ECI2: variants seen among roughly 807,000 people sequenced by gnomAD.
ECI2 encodes enoyl-CoA delta isomerase 2.
ECI2 carries 27 observed loss-of-function variants against 38.4 expected under a neutral mutation model. The ratio of observed to expected loss-of-function variants is 0.70; its 90% CI spans 0.52 to 0.97. ECI2 has a LOEUF of 0.97. Ranked by LOEUF, ECI2 falls within the 50% of genes least tolerant of loss-of-function variation. The pLI is 0.00. For synonymous variants in ECI2, 168 were observed against 172.0 expected (o/e 0.98, Z 0.18); for missense variants, 470 against 474.4 (o/e 0.99, Z 0.09).
chr6:4,133,336 C>T (rs978682238), intron 2 of ECI2, among the ~76,000 whole-genome samples: 8 of 151,960 alleles, frequency 5.3e-5, no homozygotes, highest in African/African-American at 1.7e-4. Flanking sequence ...CTCTTTTACT[C>T]GTGTGACACT....
chr6:4,121,917 A>T, intron 7 of ECI2: 1 of 1,261,102 alleles, frequency 7.9e-7, no homozygotes, highest in Non-Finnish European at 1.1e-6. Context: ...AGTTTCTGTT[A>T]ATGTCATGTA....
In ECI2 at chr6:4,133,791, T is replaced by C. The variant is rs1000227320; in HGVS notation, c.51-80A>G. ...CTGATTTCTAATTGTTCCCAGCCTA[T>C]ACATAACAAAATGCCATGTTTGTCT... On this transcript the variant is annotated intron_variant, in intron 1 of 9. Coordinates refer to ENST00000380118, the MANE Select transcript of ECI2 (RefSeq NM_206836.3). The C allele has an allele frequency of 1.5e-5, 22 of 1,455,810 alleles. No homozygotes were observed. The Admixed American group carries it at 5.1e-4, about 34-fold the overall frequency. The allele number at this position is 1,455,810 out of a possible 1,614,324, so 90.2% of individuals were successfully genotyped here.
In ECI2 at chr6:4,130,434, C is replaced by T. The variant is rs548867219; in HGVS notation, c.439G>A (p.Glu147Lys). 4.4e-5 allele frequency: 71 copies of T among 1,614,200 alleles called. No homozygotes were observed. Among genetic ancestry groups the T allele is most frequent in the South Asian group, 4.0e-4 (36 of 91,084 alleles). ...TGFETLVVTSEDGITKIMFNR... is the reference protein window; with the variant it reads ...TGFETLVVTSKDGITKIMFNR... ...AACATGATCTTTGTGATGCCATCTT[C>T]GGAGGTCACCACCAGAGTTTCAAAC... Residue 147 changes from glutamate (E) to lysine (K), a missense_variant, in exon 4 of 10, where the codon GAA (glutamate) becomes AAA (lysine). Physicochemically the swap from Glu to Lys is moderately conservative, Grantham distance 56 (BLOSUM62 1). Coordinates refer to ENST00000380118, the MANE Select transcript of ECI2 (RefSeq NM_206836.3).
intron 4 of ECI2, among the ~76,000 whole-genome samples, chr6:4,129,477 A>G (rs957934040): frequency 1.3e-5 from 2 of 152,094 alleles, no homozygotes; most frequent in African/African-American, 4.8e-5. Flanking sequence ...GTTACTTCTT[A>G]ATCTAATTAT....
chr6:4,124,447 A>C (rs1197584534), intron 7 of ECI2, among the ~76,000 whole-genome samples: 1 of 152,228 alleles, frequency 6.6e-6, no homozygotes, highest in African/African-American at 2.4e-5. Flanking sequence ...AATCATCAGC[A>C]CAGTTTACCA....
In ECI2 at chr6:4,126,197, G is replaced by A; in HGVS notation, c.612C>T (p.Asn204=). ...DYYSSGNDLT[N]FTDIPPGGVE... ...CTCCACCAGGGGGAATATCAGTGAA[G>A]TTAGTCAGATCATTCCCACTACTGT... The change falls in exon 6 of 10, where the codon AAC becomes AAT. Residue 204 remains asparagine, a synonymous_variant. Coordinates refer to ENST00000380118, the MANE Select transcript of ECI2 (RefSeq NM_206836.3). 1 of 1,613,800 alleles carries A rather than the reference G, an allele frequency of 6.2e-7. No homozygotes were observed. The highest frequency in any genetic ancestry group is 1.1e-5 in the South Asian group (1 of 91,046).
Position 4,130,882 on chromosome 6 carries a change from G to A in ECI2, c.214-17C>T. 2 of 1,611,178 alleles carry A rather than the reference G, an allele frequency of 1.2e-6. No individual in the cohort carries two copies. Among genetic ancestry groups the A allele is most frequent in the South Asian group, 1.1e-5 (1 of 90,600 alleles). On this transcript the variant is annotated splice_polypyrimidine_tract_variant and intron_variant, in intron 2 of 9. Transcript: ENST00000380118. ...TTCAGTGGCCTGTGAAAAGGAGAGG[G>A]GCAATATGTTCAAATGTCCATGTAA...
At chr6:4,121,546 C>T (rs17137675) in intron 7 of ECI2, among the ~76,000 whole-genome samples, 1 of 152,056 alleles carries the variant, frequency 6.6e-6, no homozygotes, top group Admixed American at 6.5e-5. Context: ...TAAAAAGTAT[C>T]GTGGAGAGAT....
intron 1 of ECI2, chr6:4,135,158 G>A (rs1397911388): frequency 1.8e-6 from 1 of 570,204 alleles, no homozygotes; most frequent in Non-Finnish European, 3.3e-6. Flanking sequence ...AAGCAGCCCG[G>A]CTGGGAAGTG....
chr6:4,123,402 C>A (rs1371993251), intron 7 of ECI2, among the ~76,000 whole-genome samples: 3 of 151,854 alleles, frequency 2.0e-5, no homozygotes, highest in African/African-American at 7.3e-5. Context: ...GTCTTGAACT[C>A]CTGACCTCAG....
Position 4,133,554 on chromosome 6 carries a change from T to C in ECI2, c.208A>G (p.Lys70Glu), listed in dbSNP as rs1017684210. ...EVKLKLYALY[K>E]QATEGPCNMP... ...GTTCGACCGTAGGCATTTACCTGCT[T>C]ATATAGCGCGTAGAGTTTTAGCTTC... The change falls in exon 2 of 10, where the codon AAG becomes GAG. Residue 70 changes from lysine to glutamate, a missense_variant. Lys to Glu is a moderately conservative substitution (Grantham distance 56). Coordinates refer to ENST00000380118, the MANE Select transcript of ECI2 (RefSeq NM_206836.3). The C allele has an allele frequency of 7.5e-6, 12 of 1,610,716 alleles. 1 individual carries two copies. The Admixed American group carries it at 1.4e-4, about 18-fold the overall frequency.
chr6:4,116,917 G>C (rs1772316806), intron 9 of ECI2, among the ~76,000 whole-genome samples: 1 of 152,214 alleles, frequency 6.6e-6, no homozygotes, highest in South Asian at 2.1e-4. Flanking sequence ...TGAATAGCAA[G>C]AATATAAAAG....
chr6:4,131,063 T>C, intron 2 of ECI2, 198 bp from the exon 3 acceptor site: 1 of 492,610 alleles, frequency 2.0e-6, no homozygotes, highest in South Asian at 3.9e-5. Flanking sequence ...AGACTGGAAA[T>C]AAATTATAAC....
At position 4,130,476 on chromosome 6, in the gene ECI2, C is replaced by G; in HGVS notation, c.397G>C (p.Asp133His). The G allele has an allele frequency of 1.2e-6, 2 of 1,614,230 alleles. No individual in the cohort carries two copies. Among genetic ancestry groups the G allele is most frequent in the Non-Finnish European group, 1.7e-6 (2 of 1,180,046 alleles). ...ESSSQVEPGT[D>H]RKSTGFETLV... is the part of the protein sequence containing the mutation. ...GTTTCAAACCCAGTTGATTTCCTGT[C>G]TGTTCCAGGCTCCACCTGACTAGAG... Residue 133 changes from aspartate (D) to histidine (H), a missense_variant, in exon 4 of 10, where the codon GAC becomes CAC. By Grantham distance (81) the Asp-to-His change is moderately conservative (BLOSUM62 -1). Coordinates refer to ENST00000380118, the MANE Select transcript of ECI2 (RefSeq NM_206836.3).
At chr6:4,116,106 T>G (rs660957) in intron 9 of ECI2, 77 bp from the exon 10 acceptor site, 102,019 of 1,514,978 alleles carry the variant, frequency 0.067, 6,202 homozygotes, top group East Asian at 0.37. Context: ...ATCCCAGCAC[T>G]TGGGGAGGCC....
intron 4 of ECI2, 66 bp downstream of exon 4, chr6:4,130,306 C>A: frequency 3.1e-6 from 5 of 1,613,760 alleles, no homozygotes; most frequent in Non-Finnish European, 4.2e-6. Flanking sequence ...AACTCTACAG[C>A]TTTTGTGTGA....
intron 2 of ECI2, among the ~76,000 whole-genome samples, 188 bp downstream of exon 2, chr6:4,133,361 C>T (rs1773580665): frequency 6.6e-6 from 1 of 151,728 alleles, no homozygotes; most frequent in African/African-American, 2.4e-5. Context: ...CACTTTGTGC[C>T]TTAATAGTAT....
chr6:4,120,317 C>G (rs79663620), intron 7 of ECI2, among the ~76,000 whole-genome samples: 2,235 of 152,280 alleles, frequency 0.015, 57 homozygotes, highest in African/African-American at 0.051. Flanking sequence ...TACTGCACAC[C>G]TAGCTATGTG....
At chr6:4,133,837 T>G in intron 1 of ECI2, 126 bp from the exon 2 acceptor site, 6 of 1,182,278 alleles carry the variant, frequency 5.1e-6, no homozygotes, top group Non-Finnish European at 6.7e-6. Flanking sequence ...TCTTTATACT[T>G]GCCTCAGCAA....
Sources: gnomAD v4.1 joint callset for allele counts (sites outside exome capture counted in the v4.1 genomes callset) on GRCh38, gnomAD v4.1.1 for gene constraint, MANE v1.5 for transcripts, NCBI Gene and HGNC (gene_info 2026-07-23, HGNC 2026-07-21) for gene names.